Variants in GRIN2B observed in about 807,000 individuals in gnomAD.
GRIN2B encodes glutamate ionotropic receptor NMDA type subunit 2B.
A neutral mutation model predicts 114.5 loss-of-function variants in GRIN2B; 5 were observed. The ratio of observed to expected loss-of-function variants is 0.04; its 90% CI spans 0.02 to 0.09. The LOEUF (loss-of-function observed/expected upper bound fraction) is 0.09, where lower values mean the gene tolerates loss of function less well. Among genes scored for constraint, GRIN2B ranks in the 10% least tolerant of loss-of-function variants. The pLI is 1.00. For synonymous variants in GRIN2B, 787 were observed against 745.1 expected, an observed-to-expected ratio of 1.06 and a Z score of -0.92; for missense variants, 1,108 against 1,943.5, an observed-to-expected ratio of 0.57 and a Z score of 8.08.
intron 2 of GRIN2B, among the ~76,000 whole-genome samples, chr12:13,953,398 T>C (rs1867528899): frequency 6.6e-6 from 1 of 152,108 alleles, no homozygotes; most frequent in African/African-American, 2.4e-5. Flanking sequence ...GAATGTGGGA[T>C]GGGAGAGATT....
chr12:13,690,175 T>C (rs1219722695), intron 4 of GRIN2B, among the ~76,000 whole-genome samples: 1 of 152,144 alleles, frequency 6.6e-6, no homozygotes, highest in African/African-American at 2.4e-5. Context: ...TTGTGGTAAG[T>C]ATTCAATAAT....
intron 3 of GRIN2B, among the ~76,000 whole-genome samples, chr12:13,777,926 C>G (rs1002659986): frequency 3.0e-4 from 45 of 152,198 alleles, no homozygotes; most frequent in Non-Finnish European, 6.3e-4. Flanking sequence ...TTTCCTATGT[C>G]TGCCTTGATT....
At chr12:13,696,709 A>G (rs1252962961) in intron 4 of GRIN2B, among the ~76,000 whole-genome samples, 1 of 152,172 alleles carries the variant, frequency 6.6e-6, no homozygotes, top group Non-Finnish European at 1.5e-5. Flanking sequence ...TGTTTAAGTC[A>G]TGGCTCACTG....
intron 4 of GRIN2B, among the ~76,000 whole-genome samples, chr12:13,724,516 C>T (rs971179223): frequency 2.6e-5 from 4 of 151,942 alleles, no homozygotes; most frequent in Non-Finnish European, 5.9e-5. Context: ...GATGAGGTGA[C>T]AAATGATGGG....
chr12:13,711,824 T>C (rs1950417834), intron 4 of GRIN2B, among the ~76,000 whole-genome samples: 2 of 152,126 alleles, frequency 1.3e-5, no homozygotes, highest in Non-Finnish European at 2.9e-5. Context: ...GTGTGGCGAT[T>C]CCTCAGGGAT....
At chr12:13,575,726 G>A (rs1948767967) in intron 10 of GRIN2B, among the ~76,000 whole-genome samples, 1 of 149,508 alleles carries the variant, frequency 6.7e-6, no homozygotes, top group Non-Finnish European at 1.5e-5. Flanking sequence ...CAAGCAGTCA[G>A]TACTGGGAAG....
intron 5 of GRIN2B, among the ~76,000 whole-genome samples, chr12:13,623,822 G>A (rs902484881): frequency 9.9e-5 from 15 of 152,044 alleles, no homozygotes; most frequent in African/African-American, 3.6e-4. Context: ...TAAATGGAGG[G>A]TTGGTTTCCT....
At chr12:13,754,394 G>C (rs1029216261) in intron 3 of GRIN2B, among the ~76,000 whole-genome samples, 2 of 152,122 alleles carry the variant, frequency 1.3e-5, no homozygotes, top group Non-Finnish European at 2.9e-5. Context: ...AAGGCTTTTG[G>C]ATTTCTTGCT....
At chr12:13,693,359 TA>T (rs1191070480) in intron 4 of GRIN2B, among the ~76,000 whole-genome samples, 1 of 152,180 alleles carries the variant, frequency 6.6e-6, no homozygotes, top group Admixed American at 6.5e-5. Flanking sequence ...CACATTTATA[TA>T]TTTTATATTT....
intron 5 of GRIN2B, among the ~76,000 whole-genome samples, chr12:13,619,371 C>A (rs981512048): frequency 2.0e-4 from 30 of 152,198 alleles, no homozygotes; most frequent in African/African-American, 7.2e-4. Flanking sequence ...CATCATCTAG[C>A]ATATGGGGTG....
At chr12:13,598,708 C>T (rs1949108252) in intron 10 of GRIN2B, among the ~76,000 whole-genome samples, 1 of 152,100 alleles carries the variant, frequency 6.6e-6, no homozygotes, top group African/African-American at 2.4e-5. Context: ...CAGAGTAGTG[C>T]CACACAGGTG....
At chr12:13,690,313 A>G (rs144290226) in intron 4 of GRIN2B, among the ~76,000 whole-genome samples, 1 of 133,342 alleles carries the variant, frequency 7.5e-6, no homozygotes, top group Non-Finnish European at 1.7e-5. Flanking sequence ...ACACACACAC[A>G]CACATGCACA....
At chr12:13,877,006 A>G (rs1358751462) in intron 2 of GRIN2B, among the ~76,000 whole-genome samples, 1 of 152,232 alleles carries the variant, frequency 6.6e-6, no homozygotes, top group Non-Finnish European at 1.5e-5. Flanking sequence ...GAAGGGCAAT[A>G]CAATAAACGC....
chr12:13,708,965 C>A (rs1447407951), intron 4 of GRIN2B, among the ~76,000 whole-genome samples: 1 of 151,978 alleles, frequency 6.6e-6, no homozygotes, highest in Non-Finnish European at 1.5e-5. Flanking sequence ...AAATGAGAAA[C>A]CCAGGTTTAC....
At chr12:13,835,459 A>G (rs1016792625) in intron 3 of GRIN2B, among the ~76,000 whole-genome samples, 1 of 152,104 alleles carries the variant, frequency 6.6e-6, no homozygotes, top group Non-Finnish European at 1.5e-5. Context: ...ACCTCTTGCC[A>G]TTCACAAAAG....
chr12:13,903,936 A>G (rs1866498534), intron 2 of GRIN2B, among the ~76,000 whole-genome samples: 1 of 152,034 alleles, frequency 6.6e-6, no homozygotes, highest in African/African-American at 2.4e-5. Flanking sequence ...AATCAATTCA[A>G]GTGACCAATC....
chr12:13,640,739 G>A (rs951108067), intron 5 of GRIN2B, among the ~76,000 whole-genome samples: 2 of 152,084 alleles, frequency 1.3e-5, no homozygotes, highest in African/African-American at 2.4e-5. Context: ...GAAGCTTAGG[G>A]CCAAGGCATA....
chr12:13,589,894 T>A lies in GRIN2B; in HGVS notation c.2011-17930A>T, dbSNP rs1214097905. Among the ~76,000 whole-genome samples the A allele has an allele frequency of 2.0e-5, 3 of 152,096 alleles. No homozygotes were observed. In the South Asian group the frequency reaches 6.2e-4, roughly 32 times the overall value. ...ACATCTAACTTGAAATTACTATGAA[T>A]TTTCCAAATGGCAAGGGGCCTTCAG... is the stretch of plus-strand genomic sequence containing the variant. On this transcript the variant is annotated intron_variant, in intron 10 of 13. Transcript: ENST00000609686.
chr12:13,825,281 A>G (rs1865012117), intron 3 of GRIN2B, among the ~76,000 whole-genome samples: 1 of 151,900 alleles, frequency 6.6e-6, no homozygotes, highest in Non-Finnish European at 1.5e-5. Flanking sequence ...CACATTTTGT[A>G]TAATTTCAAT....
Sources: gnomAD v4.1 joint callset for allele counts (sites outside exome capture counted in the v4.1 genomes callset) on GRCh38, gnomAD v4.1.1 for gene constraint, MANE v1.5 for transcripts, NCBI Gene and HGNC (gene_info 2026-07-23, HGNC 2026-07-21) for gene names.